Variants in PRKN observed in about 807,000 individuals in gnomAD.
PRKN encodes the protein E3 ubiquitin-protein ligase parkin.
In PRKN, 56 loss-of-function variants were observed where a neutral mutation model predicts 59.5. That is an observed-to-expected ratio of 0.94 (90% CI 0.76 to 1.18). The LOEUF is 1.18. Among genes scored for constraint, PRKN ranks in the 50% most tolerant of loss-of-function variants. The probability of loss-of-function intolerance (pLI) is 0.00; values close to 1 mark genes in which losing one functional copy is unlikely to be tolerated. For synonymous variants in PRKN, 250 were observed against 222.1 expected, an observed-to-expected ratio of 1.13 and a Z score of -1.12; for missense variants, 657 against 596.4, an observed-to-expected ratio of 1.10 and a Z score of -1.06.
intron 1 of PRKN, among the ~76,000 whole-genome samples, chr6:162,550,907 T>C (rs1310631120): frequency 1.3e-5 from 2 of 152,150 alleles, no homozygotes; most frequent in Admixed American, 6.5e-5. Context: ...AGAAGACTAT[T>C]GCTAGGAGGC....
At chr6:161,616,913 G>T (rs1408090737) in intron 7 of PRKN, among the ~76,000 whole-genome samples, 2 of 152,118 alleles carry the variant, frequency 1.3e-5, no homozygotes, top group African/African-American at 4.8e-5. Flanking sequence ...ATAATCATTT[G>T]GGTATATACC....
intron 3 of PRKN, among the ~76,000 whole-genome samples, chr6:162,212,670 T>G (rs1785256288): frequency 6.6e-6 from 1 of 152,152 alleles, no homozygotes; most frequent in Non-Finnish European, 1.5e-5. Context: ...AGGGATATAT[T>G]CTGAGAAATG....
intron 1 of PRKN, among the ~76,000 whole-genome samples, chr6:162,570,070 C>T (rs1426469879): frequency 6.6e-6 from 1 of 152,060 alleles, no homozygotes; most frequent in Non-Finnish European, 1.5e-5. Flanking sequence ...GATTAATAAT[C>T]AGAATATACA....
intron 1 of PRKN, among the ~76,000 whole-genome samples, chr6:162,687,673 C>T (rs1777623660): frequency 6.6e-6 from 1 of 152,154 alleles, no homozygotes; most frequent in Non-Finnish European, 1.5e-5. Flanking sequence ...AATTCCCCTT[C>T]TGAAAAATTA....
intron 1 of PRKN, among the ~76,000 whole-genome samples, chr6:162,618,779 CA>C (rs1259572463): frequency 1.3e-5 from 2 of 152,150 alleles, no homozygotes; most frequent in East Asian, 3.9e-4. Context: ...GCTTGTCTAT[CA>C]AAAAGATAAA....
At chr6:162,352,109 GT>G (rs1784650436) in intron 2 of PRKN, among the ~76,000 whole-genome samples, 1 of 152,094 alleles carries the variant, frequency 6.6e-6, no homozygotes, top group African/African-American at 2.4e-5. Flanking sequence ...TGACAGCGGG[GT>G]TCAAAAGGAT....
intron 2 of PRKN, among the ~76,000 whole-genome samples, chr6:162,335,693 C>T (rs1243345618): frequency 6.6e-6 from 1 of 152,072 alleles, no homozygotes; most frequent in Non-Finnish European, 1.5e-5. Context: ...TCAAACTGCT[C>T]TTATTTCTCC....
chr6:162,491,242 C>T (rs1258494325), intron 1 of PRKN, among the ~76,000 whole-genome samples: 7 of 150,880 alleles, frequency 4.6e-5, no homozygotes, highest in African/African-American at 1.2e-4. Context: ...TGCACTCCAG[C>T]CTGGGCAACA....
intron 3 of PRKN, among the ~76,000 whole-genome samples, chr6:162,239,020 C>G (rs113894875): frequency 2.3e-4 from 35 of 152,216 alleles, no homozygotes; most frequent in African/African-American, 8.4e-4. Flanking sequence ...GCACAAGTAT[C>G]CAACAAATGA....
chr6:162,256,277 A>G (rs1315194550), intron 3 of PRKN, among the ~76,000 whole-genome samples: 2 of 152,162 alleles, frequency 1.3e-5, no homozygotes, highest in South Asian at 2.1e-4. Context: ...TTTTTCTTAC[A>G]TAAGTAGACC....
In PRKN at chr6:161,356,151, G is replaced by T. The variant is rs1207844770; in HGVS notation, c.1285+3937C>A. On this transcript the variant is annotated intron_variant, in intron 11 of 11. Transcript: ENST00000366898. The surrounding 1 kb of genome is among the most constrained non-coding windows in gnomAD (Gnocchi z 7.8). Reference sequence around the variant, plus strand: ...GCCAGAACTAATTGTCTTGGCAGAGGTGATTTCCCAGAGGGCTCAAGGCCA... The same window carrying T: ...GCCAGAACTAATTGTCTTGGCAGAGTTGATTTCCCAGAGGGCTCAAGGCCA... 6.6e-6 allele frequency among the ~76,000 whole-genome samples: 1 copy of T among 152,228 alleles called. No individual in the cohort carries two copies. Among genetic ancestry groups the T allele is most frequent in the Non-Finnish European group, 1.5e-5 (1 of 68,034 alleles).
intron 6 of PRKN, among the ~76,000 whole-genome samples, chr6:161,794,819 C>T (rs971972590): frequency 3.3e-5 from 5 of 152,098 alleles, no homozygotes; most frequent in Non-Finnish European, 4.4e-5. Context: ...CAGATAACAT[C>T]GATGTGCTAT....
intron 8 of PRKN, among the ~76,000 whole-genome samples, chr6:161,555,681 A>G (rs982524927): frequency 6.6e-6 from 1 of 152,162 alleles, no homozygotes; most frequent in Non-Finnish European, 1.5e-5. Context: ...TGGTGAGTGC[A>G]TGAGACCTAA....
chr6:162,380,418 C>CAT (rs1379826799), intron 2 of PRKN, among the ~76,000 whole-genome samples: 17 of 128,638 alleles, frequency 1.3e-4, no homozygotes, highest in Non-Finnish European at 2.5e-4. Flanking sequence ...TATATACACA[C>CAT]ATATATATAT....
chr6:161,791,750 T>C (rs1020917380), intron 6 of PRKN, among the ~76,000 whole-genome samples: 2 of 152,166 alleles, frequency 1.3e-5, no homozygotes, highest in African/African-American at 2.4e-5. Flanking sequence ...TTTTAAGTCA[T>C]GTTAGAGAGA....
At chr6:161,757,871 C>CTCTCTCTCTCTCTCTCTCTCTG (rs1380898753) in intron 7 of PRKN, among the ~76,000 whole-genome samples, 1,386 of 97,866 alleles carry the variant, frequency 0.014, 58 homozygotes, top group Middle Eastern at 0.021. Context: ...CTCTCTCTCT[C>CTCTCTCTCTCTCTCTCTCTCTG]TGTGTATATA....
At chr6:162,335,423 G>A (rs184955795) in intron 2 of PRKN, among the ~76,000 whole-genome samples, 2 of 152,168 alleles carry the variant, frequency 1.3e-5, no homozygotes, top group Admixed American at 1.3e-4. Context: ...AAATGCAGCG[G>A]GAAACCAAAA....
intron 7 of PRKN, among the ~76,000 whole-genome samples, chr6:161,655,262 A>C (rs1784299675): frequency 6.7e-6 from 1 of 149,582 alleles, no homozygotes; most frequent in Non-Finnish European, 1.5e-5. Flanking sequence ...CCATGCTCTC[A>C]GCGTCATTAG....
intron 2 of PRKN, among the ~76,000 whole-genome samples, chr6:162,411,120 T>A (rs1008584423): frequency 5.3e-5 from 8 of 152,132 alleles, no homozygotes; most frequent in African/African-American, 1.9e-4. Context: ...AAGAGAAATA[T>A]GGTGGAATTT....
Sources: allele counts gnomAD v4.1 joint callset (sites outside exome capture counted in the v4.1 genomes callset), GRCh38; gene constraint gnomAD v4.1.1; non-coding constraint Gnocchi (gnomAD v3.1); transcripts MANE v1.5; gene names NCBI Gene and HGNC (gene_info 2026-07-23, HGNC 2026-07-21).